Variants in FOXN3 observed in about 807,000 individuals in gnomAD.
FOXN3 encodes forkhead box protein N3.
A neutral mutation model predicts 38.4 loss-of-function variants in FOXN3; 7 were observed. The observed-to-expected ratio is 0.18, with a 90% CI of 0.10 to 0.34. The LOEUF (loss-of-function observed/expected upper bound fraction) is 0.34, where lower values mean the gene tolerates loss of function less well. Among genes scored for constraint, FOXN3 ranks in the 10% least tolerant of loss-of-function variants. The pLI is 1.00. For missense variants in FOXN3, 456 were observed against 613.4 expected (o/e 0.74, Z 2.71); for synonymous variants, 230 against 242.2 (o/e 0.95, Z 0.47).
chr14:89,610,410 G>A (rs1396630760), intron 1 of FOXN3, among the ~76,000 whole-genome samples: 2 of 152,202 alleles, frequency 1.3e-5, no homozygotes, highest in Admixed American at 6.5e-5. Context: ...GCCCCAGTGC[G>A]GCTGAGCTCC....
At chr14:89,345,403 C>T (rs947076896) in intron 3 of FOXN3, among the ~76,000 whole-genome samples, 1 of 151,736 alleles carries the variant, frequency 6.6e-6, no homozygotes. Context: ...GCACAGAAAG[C>T]TCCTGCATAC....
At chr14:89,415,878 A>ACACACACACACC (rs915319224) in intron 1 of FOXN3, among the ~76,000 whole-genome samples, 1 of 145,156 alleles carries the variant, frequency 6.9e-6, no homozygotes, top group East Asian at 2.1e-4. Context: ...ACACACACAC[A>ACACACACACACC]CACACCCTCT....
At chr14:89,447,704 C>T (rs1404639197) in intron 1 of FOXN3, among the ~76,000 whole-genome samples, 2 of 152,122 alleles carry the variant, frequency 1.3e-5, no homozygotes, top group East Asian at 1.9e-4. Flanking sequence ...TAAACAGTGA[C>T]CCACACCAAA....
At chr14:89,232,885 G>T (rs183668471) in intron 4 of FOXN3, among the ~76,000 whole-genome samples, 1 of 152,174 alleles carries the variant, frequency 6.6e-6, no homozygotes, top group Non-Finnish European at 1.5e-5. Flanking sequence ...CTGATCACTT[G>T]TGACAGGAAG....
chr14:89,476,174 G>A (rs1167607400), intron 1 of FOXN3, among the ~76,000 whole-genome samples: 1 of 152,130 alleles, frequency 6.6e-6, no homozygotes, highest in Non-Finnish European at 1.5e-5. Flanking sequence ...TTGTACTAGA[G>A]TCCTAGTGTT....
At chr14:89,555,730 T>C (rs1012958168) in intron 1 of FOXN3, among the ~76,000 whole-genome samples, 1 of 152,174 alleles carries the variant, frequency 6.6e-6, no homozygotes, top group Non-Finnish European at 1.5e-5. Context: ...TTATTTCTTT[T>C]TCATAGCCAA....
chr14:89,547,280 A>T (rs1184674081), intron 1 of FOXN3, among the ~76,000 whole-genome samples: 1 of 150,740 alleles, frequency 6.6e-6, no homozygotes, highest in African/African-American at 2.4e-5. Context: ...TTTGAGACAT[A>T]GTTTTGCTCT....
At chr14:89,169,508 T>TACACACACACAC (rs56217837) in intron 5 of FOXN3, among the ~76,000 whole-genome samples, 52 of 150,128 alleles carry the variant, frequency 3.5e-4, no homozygotes, top group Non-Finnish European at 2.4e-4. Context: ...ACTAAGTGGT[T>TACACACACACAC]ACACACACAC....
chr14:89,225,466 T>C (rs553928787), intron 4 of FOXN3, among the ~76,000 whole-genome samples: 14 of 151,922 alleles, frequency 9.2e-5, no homozygotes, highest in African/African-American at 3.4e-4. Context: ...TAGCTGGGCA[T>C]GGTGGTGGGC....
intron 3 of FOXN3, among the ~76,000 whole-genome samples, chr14:89,302,615 C>A (rs1239186055): frequency 6.6e-6 from 1 of 152,164 alleles, no homozygotes; most frequent in East Asian, 1.9e-4. Flanking sequence ...CTTTGCAAGT[C>A]CCCTGAGCAC....
chr14:89,566,623 G>A (rs758747992), intron 1 of FOXN3, among the ~76,000 whole-genome samples: 108 of 152,242 alleles, frequency 7.1e-4, no homozygotes, highest in Admixed American at 2.0e-3. Flanking sequence ...AAACTGGGAA[G>A]TGAAAATTAT....
At chr14:89,259,544 A>G (rs950953889) in intron 4 of FOXN3, among the ~76,000 whole-genome samples, 2 of 152,190 alleles carry the variant, frequency 1.3e-5, no homozygotes, top group African/African-American at 4.8e-5. Context: ...TAATTTCTGC[A>G]CTTCCTTTAA....
intron 1 of FOXN3, among the ~76,000 whole-genome samples, chr14:89,527,738 G>A (rs950684143): frequency 6.9e-6 from 1 of 144,822 alleles, no homozygotes; most frequent in Non-Finnish European, 1.5e-5. Flanking sequence ...GTCTGGCTCT[G>A]TCGCTCGGGC....
intron 1 of FOXN3, among the ~76,000 whole-genome samples, chr14:89,518,848 C>G (rs1287136258): frequency 6.6e-6 from 1 of 152,080 alleles, no homozygotes; most frequent in Non-Finnish European, 1.5e-5. Context: ...AACCCCATCT[C>G]TACTAAAAAT....
chr14:89,261,705 G>C (rs537444978), intron 4 of FOXN3, among the ~76,000 whole-genome samples: 2 of 152,090 alleles, frequency 1.3e-5, no homozygotes, highest in Non-Finnish European at 2.9e-5. Flanking sequence ...TGAGGCGGGC[G>C]GATCACGAGG....
chr14:89,561,765 C>T (rs1895253782), intron 1 of FOXN3, among the ~76,000 whole-genome samples: 1 of 152,156 alleles, frequency 6.6e-6, no homozygotes, highest in South Asian at 2.1e-4. Flanking sequence ...GACTCTTCCT[C>T]CTCTCCCTGT....
intron 1 of FOXN3, among the ~76,000 whole-genome samples, chr14:89,422,611 G>A (rs1204777861): frequency 6.6e-6 from 1 of 152,210 alleles, no homozygotes; most frequent in African/African-American, 2.4e-5. Flanking sequence ...CTTTCCCGCT[G>A]TGGAAAAGAG....
chr14:89,589,725 T>TGGGGGCGG (rs1023462093), intron 1 of FOXN3, among the ~76,000 whole-genome samples: 1 of 1,464 alleles, frequency 6.8e-4, no homozygotes, highest in Non-Finnish European at 1.5e-3. Flanking sequence ...GAGAATGAAT[T>TGGGGGCGG]GGGGGCGGGG....
At chr14:89,341,166 C>CT (rs1888604283) in intron 3 of FOXN3, among the ~76,000 whole-genome samples, 1 of 152,178 alleles carries the variant, frequency 6.6e-6, no homozygotes. Context: ...ACTGGCATCC[C>CT]TGGGGGTAGC....
Sources: allele counts gnomAD v4.1 joint callset (sites outside exome capture counted in the v4.1 genomes callset), GRCh38; gene constraint gnomAD v4.1.1; transcripts MANE v1.5; gene names NCBI Gene and HGNC (gene_info 2026-07-23, HGNC 2026-07-21).